The following PFDN5 variants were observed in gnomAD, a reference collection of about 807,000 sequenced individuals.
PFDN5 encodes the protein prefoldin subunit 5.
In PFDN5, 13 loss-of-function variants were observed where a neutral mutation model predicts 21.5. The ratio of observed to expected loss-of-function variants is 0.60; its 90% CI spans 0.39 to 0.96. PFDN5 has a LOEUF of 0.96. Among genes scored for constraint, PFDN5 ranks in the 40% least tolerant of loss-of-function variants. The probability of loss-of-function intolerance (pLI) is 0.00; values close to 1 mark genes in which losing one functional copy is unlikely to be tolerated. For synonymous variants in PFDN5, 84 were observed against 68.9 expected (o/e 1.22, Z -1.08); for missense variants, 188 against 186.2 (o/e 1.01, Z -0.06).
At chr12:53,297,713 A>C in intron 3 of PFDN5, 137 bp from the exon 4 acceptor site, 1 of 679,544 alleles carries the variant, frequency 1.5e-6, no homozygotes, top group Non-Finnish European at 2.7e-6. Context: ...GTATTGTTCT[A>C]AGGCCTCCAG....
rs769147478 is a variant in PFDN5, at chr12:53,296,254, A to G, written c.186A>G (p.Leu62=). The change falls in exon 3 of 6, where the codon TTA becomes TTG. Residue 62 remains leucine, a synonymous_variant. Transcript: ENST00000334478. ...TCATTGCTTTCACAGGGAAAGAATT[A>G]CTCGTCCCACTGACGAGTTCTGTAT... is the stretch of plus-strand genomic sequence containing the variant. ...VLNKSNEGKE[L]LVPLTSSMYV... 2 of 1,608,744 alleles carry G rather than the reference A, an allele frequency of 1.2e-6. No individual in the cohort carries two copies. The highest frequency in any genetic ancestry group is 3.4e-5 in the Admixed American group (2 of 59,630).
intron 2 of PFDN5, 134 bp from the exon 3 acceptor site, chr12:53,296,110 C>G: frequency 1.2e-6 from 1 of 818,388 alleles, no homozygotes; most frequent in South Asian, 1.4e-5. Flanking sequence ...ACAGGACATT[C>G]CTCTGCTCCT....
At chr12:53,296,557 C>T (rs1017410740) in intron 3 of PFDN5, 12 of 526,464 alleles carry the variant, frequency 2.3e-5, no homozygotes, top group African/African-American at 9.7e-5. Flanking sequence ...TTTAGGTACG[C>T]GCCACCACGA....
chr12:53,299,091 G>A (rs556550890), intron 5 of PFDN5, 178 bp from the exon 6 acceptor site: 8 of 431,378 alleles, frequency 1.9e-5, no homozygotes, highest in East Asian at 4.8e-5. Flanking sequence ...AGCCAAGATC[G>A]TGCCACTGCA....
chr12:53,299,179 GTCGCCTGTCCTTAAAC>G (rs1329275234), intron 5 of PFDN5, 74 bp from the exon 6 acceptor site: 2 of 799,494 alleles, frequency 2.5e-6, no homozygotes, highest in African/African-American at 1.7e-5. Flanking sequence ...TAGTTAGTCG[GTCGCCTGTCCTTAAAC>G]TTGCCTGTCA....
intron 2 of PFDN5, 122 bp downstream of exon 2, chr12:53,296,063 G>T: frequency 1.3e-6 from 1 of 778,336 alleles, no homozygotes; most frequent in Non-Finnish European, 2.2e-6. Flanking sequence ...ACCGCTTCAT[G>T]AACCCTTTGC....
intron 5 of PFDN5, 82 bp downstream of exon 5, chr12:53,298,232 C>A: frequency 1.2e-6 from 1 of 845,766 alleles, no homozygotes; most frequent in Non-Finnish European, 2.1e-6. Context: ...GGGGTGTCCC[C>A]TTTGCTGGAG....
At chr12:53,296,562 C>T in intron 3 of PFDN5, 1 of 502,428 alleles carries the variant, frequency 2.0e-6, no homozygotes, top group African/African-American at 2.0e-5. Context: ...GTACGCGCCA[C>T]CACGACCGGC....
rs748480273 is a variant in PFDN5, at chr12:53,295,918, AC to A, written c.153del (p.Asn51LysfsTer3). ...TATGTGGAAGCCAAGGACTGTCTGA[AC>A]GTGCTGAACAAGAGCAACGAGGGTA... Reference protein sequence around the residue: ...TKYVEAKDCLNVLNKSNEGKE... With the variant: ...TKYVEAKDCLXVLNKSNEGKE... On this transcript the variant is annotated frameshift_variant, in exon 2 of 6. Transcript: ENST00000334478. LOFTEE classifies it high-confidence loss of function. 3.8e-5 allele frequency: 61 copies of A among 1,610,782 alleles called. No individual in the cohort carries two copies. The highest frequency in any genetic ancestry group is 1.3e-5 in the African/African-American group (1 of 74,988).
chr12:53,296,340 C>G (rs1944149918), intron 3 of PFDN5, 65 bp downstream of exon 3: 1 of 1,238,566 alleles, frequency 8.1e-7, no homozygotes, highest in Non-Finnish European at 1.2e-6. Context: ...CCCCAAAAAG[C>G]GGGGAGGGGG....
intron 3 of PFDN5, chr12:53,296,705 C>T (rs1164411835): frequency 1.7e-5 from 5 of 299,908 alleles, no homozygotes; most frequent in South Asian, 1.4e-4. Flanking sequence ...GAGCCACTGC[C>T]CCCGGCCAAG....
intron 3 of PFDN5, 74 bp downstream of exon 3, chr12:53,296,349 G>A: frequency 3.5e-6 from 4 of 1,142,952 alleles, no homozygotes; most frequent in South Asian, 2.6e-5. Flanking sequence ...GCGGGGAGGG[G>A]GATTGTTTTG....
chr12:53,296,188 G>T lies in PFDN5; in HGVS notation c.176-56G>T, dbSNP rs989945724. ...GTGCCCTGTTGGAACTCTCTTTAACGTCTTACGTTGGAGCCGCTAACCTTC... is the reference window on the plus strand; with the variant it reads ...GTGCCCTGTTGGAACTCTCTTTAACTTCTTACGTTGGAGCCGCTAACCTTC... On this transcript the variant is annotated intron_variant, in intron 2 of 5. Coordinates refer to ENST00000334478, the MANE Select transcript of PFDN5 (RefSeq NM_002624.4). The T allele has an allele frequency of 2.0e-6, 3 of 1,512,112 alleles. No individual in the cohort carries two copies. The African/African-American group carries it at 4.1e-5, about 21-fold the overall frequency. 93.7% of individuals were successfully genotyped at this position (1,512,112 alleles called of 1,614,324 possible).
rs746188581 is a variant in PFDN5 at position 53,295,927 on chromosome 12, A to G, written c.161A>G (p.Asn54Ser). The G allele has an allele frequency of 9.3e-6, 15 of 1,607,080 alleles. No individual in the cohort carries two copies. The highest frequency in any genetic ancestry group is 1.7e-4 in the Middle Eastern group (1 of 6,050). The change falls in exon 2 of 6, where the codon AAC becomes AGC. Residue 54 changes from asparagine (N) to serine (S), a missense_variant. Coordinates refer to ENST00000334478, the MANE Select transcript of PFDN5 (RefSeq NM_002624.4). ...VEAKDCLNVL[N>S]KSNEGKELLV... ...GCCAAGGACTGTCTGAACGTGCTGA[A>G]CAAGAGCAACGAGGGTATGGGGTAG...
chr12:53,299,250 C>G lies in PFDN5; in HGVS notation c.389-19C>G. On this transcript the variant is annotated intron_variant, in intron 5 of 5. Transcript: ENST00000334478. ...TCTCCTTTTTGCTTCTAACCTTTGA[C>G]TCTTATTTTTTTCCACAGCCGTCAT... The G allele has an allele frequency of 6.3e-7, 1 of 1,584,048 alleles. No homozygotes were observed. Among genetic ancestry groups the G allele is most frequent in the Non-Finnish European group, 8.7e-7 (1 of 1,154,792 alleles).
rs1163728766 is a variant in PFDN5, at chr12:53,296,255, C to A, written c.187C>A (p.Leu63Ile). ...LNKSNEGKELLVPLTSSMYVP... is the reference protein window; with the variant it reads ...LNKSNEGKELIVPLTSSMYVP... ...CATTGCTTTCACAGGGAAAGAATTA[C>A]TCGTCCCACTGACGAGTTCTGTATC... is the stretch of plus-strand genomic sequence containing the variant. Residue 63 changes from leucine to isoleucine, a missense_variant, in exon 3 of 6, where the codon CTC (leucine) becomes ATC (isoleucine). Physicochemically the swap from Leu to Ile is conservative, Grantham distance 5. Coordinates refer to ENST00000334478, the MANE Select transcript of PFDN5 (RefSeq NM_002624.4). 1.9e-6 allele frequency: 3 copies of A among 1,609,172 alleles called. No homozygotes were observed. Among genetic ancestry groups the A allele is most frequent in the Non-Finnish European group, 2.5e-6 (3 of 1,177,308 alleles).
intron 2 of PFDN5, 52 bp from the exon 3 acceptor site, chr12:53,296,192 T>TA (rs1443403504): frequency 1.6e-5 from 24 of 1,546,934 alleles, no homozygotes; most frequent in South Asian, 2.3e-5. Context: ...TTTAACGTCT[T>TA]ACGTTGGAGC....
At chr12:53,298,806 G>C (rs1350614513) in intron 5 of PFDN5, 1 of 161,576 alleles carries the variant, frequency 6.2e-6, no homozygotes, top group Non-Finnish European at 1.4e-5. Flanking sequence ...CCCTAAATTT[G>C]TGTTAGTGAC....
intron 1 of PFDN5, 56 bp downstream of exon 1, chr12:53,295,695 C>T (rs902121953): frequency 8.4e-5 from 124 of 1,480,208 alleles, no homozygotes; most frequent in Non-Finnish European, 1.1e-4. Context: ...CTTGCCCACG[C>T]GTACTTCTCG....
Sources: allele counts gnomAD v4.1 joint callset, GRCh38; gene constraint gnomAD v4.1.1; transcripts MANE v1.5; gene names NCBI Gene and HGNC (gene_info 2026-07-23, HGNC 2026-07-21).